SPAG16: variants seen among roughly 807,000 people sequenced by gnomAD.
SPAG16 encodes sperm associated antigen 16.
Under a neutral mutation model 80.4 loss-of-function variants are expected in SPAG16, and 86 were observed. That is an observed-to-expected ratio of 1.07 (90% CI 0.90 to 1.28). The LOEUF (loss-of-function observed/expected upper bound fraction) is 1.28. SPAG16 is among the 50% of genes most tolerant of loss of function. SPAG16 has a pLI of 0.00. For missense variants in SPAG16, 870 were observed against 765.3 expected (o/e 1.14, Z -1.61); for synonymous variants, 294 against 265.9 (o/e 1.11, Z -1.03).
chr2:214,221,390 G>C lies in SPAG16; in HGVS notation c.1720+72124G>C, dbSNP rs534341200. Among the ~76,000 whole-genome samples the C allele has an allele frequency of 6.6e-5, 10 of 151,858 alleles. No homozygotes were observed. In the South Asian group the frequency reaches 2.1e-3, roughly 32 times the overall value. ...TTTTCTCATGCTTGCCATTTGTCTC[G>C]ATTTTCTTCAATGATTTTTTCAGCC... On this transcript the variant is annotated intron_variant, in intron 15 of 15. Transcript: ENST00000331683.
At chr2:214,180,982 T>G (rs1341634785) in intron 15 of SPAG16, among the ~76,000 whole-genome samples, 8 of 151,768 alleles carry the variant, frequency 5.3e-5, no homozygotes, top group African/African-American at 1.9e-4. Context: ...CCCGATTGGT[T>G]TAGTTTTCAG....
intron 9 of SPAG16, among the ~76,000 whole-genome samples, chr2:213,424,694 T>C (rs997335420): frequency 6.6e-6 from 1 of 152,240 alleles, no homozygotes; most frequent in Non-Finnish European, 1.5e-5. Context: ...TGTTGTTCTG[T>C]TTCATACTGC....
chr2:214,218,402 C>G (rs1051695474), intron 15 of SPAG16, among the ~76,000 whole-genome samples: 2 of 152,122 alleles, frequency 1.3e-5, no homozygotes, highest in East Asian at 1.9e-4. Context: ...TGTGCCAAAT[C>G]TGGGAAAACT....
At chr2:214,281,131 T>C (rs996946130) in intron 15 of SPAG16, 6 of 381,766 alleles carry the variant, frequency 1.6e-5, no homozygotes, top group East Asian at 6.2e-5. Context: ...ACCAAACCTA[T>C]TGAGAAGCCT....
intron 12 of SPAG16, among the ~76,000 whole-genome samples, chr2:213,959,827 A>T (rs11902344): frequency 6.6e-6 from 1 of 151,964 alleles, no homozygotes; most frequent in African/African-American, 2.4e-5. Context: ...ACCTAAACCT[A>T]ACCTTCCTCC....
intron 15 of SPAG16, among the ~76,000 whole-genome samples, chr2:214,215,301 C>T (rs1000411853): frequency 1.3e-5 from 2 of 152,076 alleles, no homozygotes; most frequent in Non-Finnish European, 2.9e-5. Context: ...GATCCCTGAC[C>T]TCTGGCTCAC....
At chr2:213,308,562 G>A (rs1370078103) in intron 3 of SPAG16, among the ~76,000 whole-genome samples, 1 of 152,180 alleles carries the variant, frequency 6.6e-6, no homozygotes, top group Non-Finnish European at 1.5e-5. Context: ...GAATGAGTGA[G>A]TGTTCCATAG....
intron 7 of SPAG16, among the ~76,000 whole-genome samples, chr2:213,358,994 C>T (rs1351923039): frequency 6.6e-6 from 1 of 152,138 alleles, no homozygotes; most frequent in Non-Finnish European, 1.5e-5. Context: ...TGTTAGTTTT[C>T]CTTCTAACAG....
At chr2:213,720,938 G>A (rs2066506287) in intron 10 of SPAG16, among the ~76,000 whole-genome samples, 2 of 151,510 alleles carry the variant, frequency 1.3e-5, no homozygotes, top group South Asian at 4.2e-4. Context: ...TAGTAGAGAT[G>A]GTTTTCACTG....
chr2:214,264,086 G>A (rs1033928821), intron 15 of SPAG16, among the ~76,000 whole-genome samples: 1 of 152,248 alleles, frequency 6.6e-6, no homozygotes, highest in East Asian at 1.9e-4. Flanking sequence ...CTGTGTGGCT[G>A]TCTGGACTGT....
At chr2:214,391,912 A>C (rs1442471225) in intron 15 of SPAG16, among the ~76,000 whole-genome samples, 2 of 152,174 alleles carry the variant, frequency 1.3e-5, no homozygotes, top group Non-Finnish European at 2.9e-5. Context: ...TGTCCTTCAG[A>C]AAAGTTAAAT....
chr2:213,958,103 G>A (rs1355466340), intron 12 of SPAG16, among the ~76,000 whole-genome samples: 3 of 152,212 alleles, frequency 2.0e-5, no homozygotes, highest in African/African-American at 7.2e-5. Context: ...TGCTCACCTA[G>A]TGGGAGGGGA....
chr2:214,035,432 C>A (rs2048644796), intron 13 of SPAG16, among the ~76,000 whole-genome samples: 2 of 152,162 alleles, frequency 1.3e-5, no homozygotes, highest in African/African-American at 4.8e-5. Flanking sequence ...TAGGCCAATG[C>A]CAAGCTGCCC....
intron 15 of SPAG16, among the ~76,000 whole-genome samples, chr2:214,386,874 GA>G (rs5838432): frequency 3.1e-4 from 45 of 143,656 alleles, no homozygotes; most frequent in African/African-American, 1.1e-3. Context: ...CAAAAAAAGA[GA>G]AAAAAAAAAA....
chr2:213,945,639 T>C (rs1445199162), intron 12 of SPAG16, among the ~76,000 whole-genome samples: 1 of 152,074 alleles, frequency 6.6e-6, no homozygotes, highest in Non-Finnish European at 1.5e-5. Flanking sequence ...TAAGTGTTAA[T>C]CTCTTTTGGC....
chr2:213,497,229 C>T (rs1310331397), intron 10 of SPAG16, among the ~76,000 whole-genome samples: 2 of 152,016 alleles, frequency 1.3e-5, no homozygotes, highest in East Asian at 3.8e-4. Flanking sequence ...GTACAATATG[C>T]AGCAAATATA....
intron 1 of SPAG16, among the ~76,000 whole-genome samples, chr2:213,293,949 TCTA>T (rs1339252830): frequency 6.6e-6 from 1 of 152,216 alleles, no homozygotes; most frequent in Non-Finnish European, 1.5e-5. Flanking sequence ...ATATTTAAGA[TCTA>T]CTCTCTTTAC....
chr2:214,049,412 C>T (rs1308825310), intron 13 of SPAG16, among the ~76,000 whole-genome samples: 1 of 152,056 alleles, frequency 6.6e-6, no homozygotes, highest in Non-Finnish European at 1.5e-5. Flanking sequence ...TTGCAATAAT[C>T]TCTTGAGCTT....
At chr2:214,224,115 G>A (rs2058646246) in intron 15 of SPAG16, among the ~76,000 whole-genome samples, 1 of 152,116 alleles carries the variant, frequency 6.6e-6, no homozygotes, top group South Asian at 2.1e-4. Context: ...TGAAAGTTAA[G>A]CCAAGGTTTC....
Sources: allele counts gnomAD v4.1 joint callset (sites outside exome capture counted in the v4.1 genomes callset), GRCh38; gene constraint gnomAD v4.1.1; transcripts MANE v1.5; gene names NCBI Gene and HGNC (gene_info 2026-07-23, HGNC 2026-07-21).